The following DPP10 variants were observed in gnomAD, a reference collection of about 807,000 sequenced individuals.
DPP10 encodes inactive dipeptidyl peptidase 10.
DPP10 carries 33 observed loss-of-function variants against 120.9 expected under a neutral mutation model. That is an observed-to-expected ratio of 0.27 (90% CI 0.21 to 0.37). The LOEUF (loss-of-function observed/expected upper bound fraction) is 0.37, where lower values mean the gene tolerates loss of function less well. Ranked by LOEUF, DPP10 falls within the 10% of genes least tolerant of loss-of-function variation. The pLI, the probability that DPP10 is intolerant of heterozygous loss-of-function variation, is 1.00. For missense variants in DPP10, 816 were observed against 942.8 expected, an observed-to-expected ratio of 0.87 and a Z score of 1.76; for synonymous variants, 337 against 326.1, an observed-to-expected ratio of 1.03 and a Z score of -0.36.
intron 1 of DPP10, among the ~76,000 whole-genome samples, chr2:115,036,491 G>A (rs1704233628): frequency 6.6e-6 from 1 of 152,134 alleles, no homozygotes; most frequent in African/African-American, 2.4e-5. Flanking sequence ...AATTATTACA[G>A]TCTCCTTTTA....
At chr2:115,148,752 G>A (rs1186261069) in intron 1 of DPP10, among the ~76,000 whole-genome samples, 1 of 151,950 alleles carries the variant, frequency 6.6e-6, no homozygotes, top group African/African-American at 2.4e-5. Flanking sequence ...TTATTATAAG[G>A]CAAATACCAT....
chr2:115,096,456 A>C (rs918356524), intron 1 of DPP10, among the ~76,000 whole-genome samples: 13 of 152,212 alleles, frequency 8.5e-5, no homozygotes, highest in Non-Finnish European at 1.6e-4. Flanking sequence ...TAAGTGAAGA[A>C]TGGAGAGAAG....
intron 2 of DPP10, among the ~76,000 whole-genome samples, chr2:115,341,199 C>T (rs924462978): frequency 1.3e-5 from 2 of 152,102 alleles, no homozygotes; most frequent in Non-Finnish European, 2.9e-5. Flanking sequence ...TCCTCCTTCT[C>T]CTGCCCCTAG....
At chr2:114,904,284 G>T (rs555219901) in intron 1 of DPP10, among the ~76,000 whole-genome samples, 86 of 152,198 alleles carry the variant, frequency 5.7e-4, no homozygotes, top group Non-Finnish European at 1.1e-3. Flanking sequence ...AAATGAAAAT[G>T]AGGAACATAG....
intron 1 of DPP10, among the ~76,000 whole-genome samples, chr2:114,548,598 C>A (rs1318431797): frequency 6.6e-6 from 1 of 152,204 alleles, no homozygotes; most frequent in African/African-American, 2.4e-5. Context: ...GCATGGAAAT[C>A]TAGGTTGGTG....
chr2:114,558,169 G>T (rs185511193), intron 1 of DPP10, among the ~76,000 whole-genome samples: 1 of 152,288 alleles, frequency 6.6e-6, no homozygotes, highest in African/African-American at 2.4e-5. Context: ...TGATAGTGAA[G>T]ACAGAGTGCC....
chr2:115,404,208 G>A (rs2068336124), intron 3 of DPP10, among the ~76,000 whole-genome samples: 1 of 152,074 alleles, frequency 6.6e-6, no homozygotes, highest in Non-Finnish European at 1.5e-5. Flanking sequence ...CAATCATGGT[G>A]GAAGGCAAAG....
chr2:115,159,085 C>G (rs1426338020), intron 1 of DPP10, among the ~76,000 whole-genome samples: 24 of 151,696 alleles, frequency 1.6e-4, no homozygotes, highest in Non-Finnish European at 1.2e-4. Context: ...TTTATAACAT[C>G]AACATATCAT....
At chr2:115,644,491 C>T (rs1432352848) in intron 5 of DPP10, among the ~76,000 whole-genome samples, 1 of 152,038 alleles carries the variant, frequency 6.6e-6, no homozygotes, top group African/African-American at 2.4e-5. Flanking sequence ...CACTGAAGGA[C>T]TGGATGCAAT....
chr2:115,548,397 A>G (rs1322105708), intron 5 of DPP10, among the ~76,000 whole-genome samples: 1 of 141,352 alleles, frequency 7.1e-6, no homozygotes, highest in African/African-American at 2.5e-5. Flanking sequence ...TATGCTAAAA[A>G]TACATGCATG....
At chr2:115,138,606 T>C (rs1448513535) in intron 1 of DPP10, among the ~76,000 whole-genome samples, 4 of 152,210 alleles carry the variant, frequency 2.6e-5, no homozygotes, top group African/African-American at 9.6e-5. Flanking sequence ...AAAATAACTC[T>C]TATGAGTGAG....
chr2:114,638,342 G>A (rs945026023), intron 1 of DPP10, among the ~76,000 whole-genome samples: 2 of 151,736 alleles, frequency 1.3e-5, no homozygotes, highest in Admixed American at 6.6e-5. Flanking sequence ...TGTCAACAGA[G>A]TAAACAACCT....
chr2:115,575,816 A>G (rs2081619685), intron 5 of DPP10, among the ~76,000 whole-genome samples: 1 of 152,164 alleles, frequency 6.6e-6, no homozygotes, highest in Non-Finnish European at 1.5e-5. Flanking sequence ...CATAAGAGGA[A>G]GAAGAAAAGC....
chr2:115,670,947 T>C (rs1479109992), intron 5 of DPP10, among the ~76,000 whole-genome samples: 10 of 152,100 alleles, frequency 6.6e-5, no homozygotes, highest in Non-Finnish European at 1.3e-4. Context: ...GAGAAACTAT[T>C]GGAAAAAAAT....
chr2:115,262,676 G>T (rs554528718), intron 1 of DPP10, among the ~76,000 whole-genome samples: 2 of 152,188 alleles, frequency 1.3e-5, no homozygotes, highest in East Asian at 3.9e-4. Context: ...TTTATATTCA[G>T]TCAGTTCTGG....
chr2:115,266,866 G>A (rs1335051906), intron 1 of DPP10, among the ~76,000 whole-genome samples: 1 of 152,156 alleles, frequency 6.6e-6, no homozygotes, highest in Non-Finnish European at 1.5e-5. Context: ...TTTGCAGAGG[G>A]TATAAGCAAA....
chr2:115,436,066 C>A (rs1044198820), intron 3 of DPP10, among the ~76,000 whole-genome samples: 11 of 151,634 alleles, frequency 7.3e-5, no homozygotes, highest in Non-Finnish European at 1.3e-4. Context: ...CTTTGTTTTA[C>A]AAAACAACTC....
intron 1 of DPP10, among the ~76,000 whole-genome samples, chr2:115,124,511 C>T (rs1261509467): frequency 6.6e-6 from 1 of 152,122 alleles, no homozygotes; most frequent in South Asian, 2.1e-4. Flanking sequence ...ACTAGAATCC[C>T]AGTTATCTTC....
At chr2:115,083,258 C>T (rs1708421853) in intron 1 of DPP10, among the ~76,000 whole-genome samples, 1 of 152,130 alleles carries the variant, frequency 6.6e-6, no homozygotes. Flanking sequence ...ATTTCAATGA[C>T]CACTTTGTAT....
Sources: gnomAD v4.1 joint callset for allele counts (sites outside exome capture counted in the v4.1 genomes callset) on GRCh38, gnomAD v4.1.1 for gene constraint, MANE v1.5 for transcripts, NCBI Gene and HGNC (gene_info 2026-07-23, HGNC 2026-07-21) for gene names.